SSX2IP: variants seen among roughly 807,000 people sequenced by gnomAD.
SSX2IP encodes SSX family member 2 interacting protein.
SSX2IP carries 55 observed loss-of-function variants against 84.9 expected under a neutral mutation model. The observed-to-expected ratio is 0.65, with a 90% CI of 0.52 to 0.81. SSX2IP has a LOEUF of 0.81. Ranked by LOEUF, SSX2IP falls within the 30% of genes least tolerant of loss-of-function variation. The pLI, the probability that SSX2IP is intolerant of heterozygous loss-of-function variation, is 0.00. For synonymous variants in SSX2IP, 239 were observed against 234.7 expected (o/e 1.02, Z -0.17); for missense variants, 664 against 705.2 (o/e 0.94, Z 0.66).
At chr1:84,681,477 A>G (rs1384487181) in intron 1 of SSX2IP, among the ~76,000 whole-genome samples, 2 of 152,174 alleles carry the variant, frequency 1.3e-5, no homozygotes, top group Non-Finnish European at 2.9e-5. Flanking sequence ...ATTTAGGGGA[A>G]AGTTCTGGAA....
At chr1:84,675,944 C>T (rs1654267527) in intron 1 of SSX2IP, among the ~76,000 whole-genome samples, 1 of 152,182 alleles carries the variant, frequency 6.6e-6, no homozygotes, top group African/African-American at 2.4e-5. Context: ...CTTACACATA[C>T]TGACTGATGT....
rs558258158 is a variant in SSX2IP at position 84,665,151 on chromosome 1, T to C, written c.538-599A>G. On this transcript the variant is annotated intron_variant, in intron 5 of 13. Transcript: ENST00000342203. ...CCTGACAGAGTATGTCCTATTCTTT[T>C]ATAAAGCCATTCCCAGTCCCTGCTA... is the stretch of plus-strand genomic sequence containing the variant. Among the ~76,000 whole-genome samples the C allele has an allele frequency of 1.7e-3, 266 of 152,286 alleles. 1 individual carries two copies. Among genetic ancestry groups the C allele is most frequent in the African/African-American group, 6.2e-3 (257 of 41,578 alleles).
At chr1:84,684,411 ACAAAATGGATTC>A (rs1308282014) in intron 1 of SSX2IP, among the ~76,000 whole-genome samples, 1 of 152,258 alleles carries the variant, frequency 6.6e-6, no homozygotes, top group African/African-American at 2.4e-5. Flanking sequence ...TAAGGGTCCT[ACAAAATGGATTC>A]CAAGAATGAT....
chr1:84,680,368 T>C (rs1361330835), intron 1 of SSX2IP: 2 of 152,192 alleles, frequency 1.3e-5, no homozygotes, highest in African/African-American at 4.8e-5. Context: ...TAAATCTTCT[T>C]TGGGCCTCAC....
chr1:84,676,438 G>A (rs868728049), intron 1 of SSX2IP, among the ~76,000 whole-genome samples: 4 of 152,238 alleles, frequency 2.6e-5, no homozygotes, highest in Middle Eastern at 3.4e-3. Context: ...TACTTTTTAA[G>A]TATTAGTACA....
intron 1 of SSX2IP, 104 bp downstream of exon 1, chr1:84,690,267 G>C (rs1656435558): frequency 6.6e-6 from 1 of 151,734 alleles, no homozygotes; most frequent in South Asian, 2.1e-4. Context: ...GCCAGGTGCC[G>C]GCTCTCACCT....
rs1164782606 is a variant in SSX2IP at position 84,680,428 on chromosome 1, T to C, written c.-89-9120A>G. 5 of 152,288 alleles carry C rather than the reference T, an allele frequency of 3.3e-5. No homozygotes were observed. The East Asian group carries it at 9.6e-4, about 29-fold the overall frequency. 9.4% of individuals were successfully genotyped at this position (152,288 alleles called of 1,614,324 possible). On this transcript the variant is annotated intron_variant, in intron 1 of 13. Transcript: ENST00000342203. ...AAAAGCAGTTTACCTCAAAAAATTATGTGGTTAAACAGTAAATTTAGTTAC... is the reference window on the plus strand; with the variant it reads ...AAAAGCAGTTTACCTCAAAAAATTACGTGGTTAAACAGTAAATTTAGTTAC...
intron 4 of SSX2IP, among the ~76,000 whole-genome samples, chr1:84,668,411 C>A (rs1420006634): frequency 6.6e-6 from 1 of 152,122 alleles, no homozygotes; most frequent in Non-Finnish European, 1.5e-5. Flanking sequence ...TACCACAGTT[C>A]CCCAGTCAGC....
chr1:84,672,932 G>A (rs1653800149), intron 1 of SSX2IP, among the ~76,000 whole-genome samples: 1 of 152,178 alleles, frequency 6.6e-6, no homozygotes, highest in Non-Finnish European at 1.5e-5. Flanking sequence ...GGCTGAGGCA[G>A]AAGAATCCCT....
intron 1 of SSX2IP, 51 bp from the exon 2 acceptor site, chr1:84,671,359 C>T (rs1653551918): frequency 2.2e-6 from 3 of 1,386,288 alleles, no homozygotes; most frequent in Non-Finnish European, 1.9e-6. Flanking sequence ...ATATGAAAGC[C>T]AATATAAACC....
intron 1 of SSX2IP, among the ~76,000 whole-genome samples, chr1:84,679,311 G>A (rs1654769930): frequency 6.6e-6 from 1 of 152,198 alleles, no homozygotes; most frequent in Admixed American, 6.5e-5. Context: ...GCGCACATCA[G>A]TACAGAAACA....
At chr1:84,650,785 A>AGG (rs1439583610) in intron 12 of SSX2IP, among the ~76,000 whole-genome samples, 1 of 151,864 alleles carries the variant, frequency 6.6e-6, no homozygotes, top group Non-Finnish European at 1.5e-5. Flanking sequence ...CCTCACTGCA[A>AGG]GCTCCACCTC....
At chr1:84,655,047 T>C (rs995588622) in intron 11 of SSX2IP, among the ~76,000 whole-genome samples, 2 of 151,876 alleles carry the variant, frequency 1.3e-5, no homozygotes, top group Non-Finnish European at 2.9e-5. Flanking sequence ...AGAGGAACAA[T>C]ATTATGAAGA....
chr1:84,682,622 G>A (rs1245019938), intron 1 of SSX2IP, among the ~76,000 whole-genome samples: 1 of 149,630 alleles, frequency 6.7e-6, no homozygotes, highest in East Asian at 2.0e-4. Context: ...CTCCTGCCTT[G>A]ACCTCCCGAG....
chr1:84,683,845 T>G (rs1250920563), intron 1 of SSX2IP, among the ~76,000 whole-genome samples: 1 of 152,184 alleles, frequency 6.6e-6, no homozygotes, highest in East Asian at 1.9e-4. Flanking sequence ...GCATGGCAAT[T>G]TACAAACAGT....
chr1:84,674,841 T>C (rs1438629361), intron 1 of SSX2IP, among the ~76,000 whole-genome samples: 4 of 152,204 alleles, frequency 2.6e-5, no homozygotes. Flanking sequence ...TTCTGTTCAA[T>C]GATGTACCAA....
chr1:84,658,253 T>C, intron 9 of SSX2IP, 65 bp downstream of exon 9: 1 of 1,587,292 alleles, frequency 6.3e-7, no homozygotes, highest in Non-Finnish European at 8.6e-7. Flanking sequence ...GCTTTCTAAG[T>C]GACTAAAAAT....
intron 1 of SSX2IP, among the ~76,000 whole-genome samples, chr1:84,687,933 G>A (rs1453616169): frequency 6.6e-6 from 1 of 152,128 alleles, no homozygotes; most frequent in African/African-American, 2.4e-5. Context: ...AGACACAGCT[G>A]AAATTCTCCT....
At chr1:84,662,923 G>C (rs1652238430) in intron 6 of SSX2IP, among the ~76,000 whole-genome samples, 1 of 152,048 alleles carries the variant, frequency 6.6e-6, no homozygotes, top group Non-Finnish European at 1.5e-5. Context: ...CCACAGGCTG[G>C]CTGCCTGATT....
Sources: allele counts gnomAD v4.1 joint callset (sites outside exome capture counted in the v4.1 genomes callset), GRCh38; gene constraint gnomAD v4.1.1; transcripts MANE v1.5; gene names NCBI Gene and HGNC (gene_info 2026-07-23, HGNC 2026-07-21).